Variants in PDE11A observed in about 807,000 individuals in gnomAD.
PDE11A encodes dual 3',5'-cyclic-AMP and -GMP phosphodiesterase 11A.
Under a neutral mutation model 100.5 loss-of-function variants are expected in PDE11A, and 100 were observed. The ratio of observed to expected loss-of-function variants is 1.00; its 90% CI spans 0.85 to 1.18. The LOEUF is 1.18. PDE11A is among the 50% of genes most tolerant of loss of function. The probability of loss-of-function intolerance (pLI) is 0.00; values close to 1 mark genes in which losing one functional copy is unlikely to be tolerated. For synonymous variants in PDE11A, 381 were observed against 420.8 expected (o/e 0.91, Z 1.16); for missense variants, 1,141 against 1,152.6 (o/e 0.99, Z 0.15).
At chr2:177,631,070 A>C (rs2105430274) in intron 19 of PDE11A, among the ~76,000 whole-genome samples, 1 of 152,196 alleles carries the variant, frequency 6.6e-6, no homozygotes, top group Non-Finnish European at 1.5e-5. Context: ...GATAATTTAT[A>C]ATCTCATAAC....
chr2:177,749,657 T>A (rs910363806), intron 10 of PDE11A, among the ~76,000 whole-genome samples: 1 of 152,146 alleles, frequency 6.6e-6, no homozygotes, highest in Non-Finnish European at 1.5e-5. Flanking sequence ...ATGATTAAAT[T>A]AAGATAACAC....
intron 1 of PDE11A, among the ~76,000 whole-genome samples, chr2:178,025,743 A>T (rs1458619301): frequency 6.6e-6 from 1 of 152,206 alleles, no homozygotes; most frequent in East Asian, 1.9e-4. Context: ...CTCATGCTCT[A>T]TAAGCTTTAT....
At chr2:177,882,610 GT>G (rs2084361850) in intron 4 of PDE11A, among the ~76,000 whole-genome samples, 1 of 152,092 alleles carries the variant, frequency 6.6e-6, no homozygotes, top group African/African-American at 2.4e-5. Context: ...ATCAGAAGTG[GT>G]TTCTAAATCA....
intron 5 of PDE11A, among the ~76,000 whole-genome samples, chr2:177,859,011 C>A (rs535227779): frequency 6.6e-6 from 1 of 152,138 alleles, no homozygotes; most frequent in East Asian, 1.9e-4. Context: ...AAACCAAACA[C>A]CGCATGTTCT....
intron 9 of PDE11A, among the ~76,000 whole-genome samples, chr2:177,780,183 G>A (rs1309441029): frequency 6.6e-6 from 1 of 152,190 alleles, no homozygotes; most frequent in Non-Finnish European, 1.5e-5. Context: ...GCTGTTTACT[G>A]ATGTGTTGTC....
chr2:177,838,638 C>G (rs1000276655), intron 6 of PDE11A, among the ~76,000 whole-genome samples: 1 of 152,166 alleles, frequency 6.6e-6, no homozygotes, highest in Admixed American at 6.5e-5. Flanking sequence ...AAAAGGGAGC[C>G]ATCGTCTGTG....
intron 10 of PDE11A, among the ~76,000 whole-genome samples, chr2:177,731,307 G>A (rs1389613733): frequency 6.6e-6 from 1 of 152,178 alleles, no homozygotes; most frequent in Non-Finnish European, 1.5e-5. Context: ...CTGTGTAAAA[G>A]TGGGGCTCTA....
intron 1 of PDE11A, among the ~76,000 whole-genome samples, chr2:178,065,684 T>C (rs2087034015): frequency 6.6e-6 from 1 of 152,142 alleles, no homozygotes; most frequent in Non-Finnish European, 1.5e-5. Context: ...TGGAATAAGA[T>C]TTCATGAAAC....
At chr2:177,917,920 T>C (rs942282476) in intron 2 of PDE11A, among the ~76,000 whole-genome samples, 1 of 152,220 alleles carries the variant, frequency 6.6e-6, no homozygotes, top group African/African-American at 2.4e-5. Flanking sequence ...TATGAAAATA[T>C]GCTTAGAGCA....
intron 2 of PDE11A, among the ~76,000 whole-genome samples, chr2:177,911,430 T>C (rs1392101027): frequency 2.0e-5 from 3 of 152,172 alleles, no homozygotes; most frequent in African/African-American, 7.2e-5. Context: ...AGATGAAAGA[T>C]GGAGCTTTTA....
chr2:177,994,925 T>C (rs1559035841), intron 2 of PDE11A, among the ~76,000 whole-genome samples: 1 of 152,180 alleles, frequency 6.6e-6, no homozygotes, highest in Non-Finnish European at 1.5e-5. Context: ...GTTAAGTTTT[T>C]CATTCAAATT....
At chr2:177,910,424 CTCTCTATATA>C (rs1441365063) in intron 2 of PDE11A, among the ~76,000 whole-genome samples, 4 of 86,498 alleles carry the variant, frequency 4.6e-5, no homozygotes, top group African/African-American at 2.7e-4. Flanking sequence ...CTCTCTCTCT[CTCTCTATATA>C]TATATATATA....
chr2:177,986,215 G>T (rs1359482954), intron 2 of PDE11A, among the ~76,000 whole-genome samples: 1 of 152,136 alleles, frequency 6.6e-6, no homozygotes, highest in African/African-American at 2.4e-5. Context: ...GGGGATTCCA[G>T]ATCCTAACAC....
At chr2:178,051,783 T>C (rs2086830843) in intron 1 of PDE11A, among the ~76,000 whole-genome samples, 1 of 151,916 alleles carries the variant, frequency 6.6e-6, no homozygotes, top group Non-Finnish European at 1.5e-5. Flanking sequence ...TACATAATGG[T>C]AAAGGGATCA....
At chr2:177,899,213 C>T (rs963486659) in intron 3 of PDE11A, among the ~76,000 whole-genome samples, 2 of 152,082 alleles carry the variant, frequency 1.3e-5, no homozygotes, top group Admixed American at 6.6e-5. Flanking sequence ...TGAGACCAGC[C>T]TGGCTAATAC....
At chr2:177,663,320 G>A (rs2080510875) in intron 19 of PDE11A, among the ~76,000 whole-genome samples, 1 of 148,374 alleles carries the variant, frequency 6.7e-6, no homozygotes, top group African/African-American at 2.6e-5. Flanking sequence ...CTCAGAGACA[G>A]GCAGATTTTG....
At chr2:178,006,550 G>GA (rs551542694) in intron 2 of PDE11A, among the ~76,000 whole-genome samples, 69 of 152,096 alleles carry the variant, frequency 4.5e-4, no homozygotes, top group African/African-American at 1.5e-3. Flanking sequence ...TGCTCCAATA[G>GA]AAAAAAAATC....
Position 177,791,534 on chromosome 2 carries a change from T to TAA in PDE11A, c.1738-22163_1738-22162dup, listed in dbSNP as rs35728831. Among the ~76,000 whole-genome samples, 196 of 142,736 alleles carry TAA rather than the reference T, an allele frequency of 1.4e-3. 4 individuals are homozygous for TAA. The East Asian group carries it at 0.019, about 14-fold the overall frequency. The allele number at this position is 142,736 out of a possible 152,430, so 93.6% of individuals were successfully genotyped here. On this transcript the variant is annotated intron_variant, in intron 9 of 19. Transcript: ENST00000286063. The stretch of plus-strand genomic sequence containing the variant: ...CACATGTACCCTAAAACTTAAAGTA[T>TAA]AAAAAAAAAAAAAAAGAATAGTGTT...
chr2:177,726,133 G>T (rs2081596741), intron 12 of PDE11A, among the ~76,000 whole-genome samples: 1 of 151,964 alleles, frequency 6.6e-6, no homozygotes, highest in Non-Finnish European at 1.5e-5. Context: ...AAGCCTCATG[G>T]TTCAAAGCAC....
Sources: allele counts gnomAD v4.1 joint callset (sites outside exome capture counted in the v4.1 genomes callset), GRCh38; gene constraint gnomAD v4.1.1; transcripts MANE v1.5; gene names NCBI Gene and HGNC (gene_info 2026-07-23, HGNC 2026-07-21).